FRMD3: variants seen among roughly 807,000 people sequenced by gnomAD.
FRMD3 encodes the protein FERM domain containing 3.
Under a neutral mutation model 70.2 loss-of-function variants are expected in FRMD3, and 33 were observed. The ratio of observed to expected loss-of-function variants is 0.47; its 90% CI spans 0.36 to 0.63. The LOEUF (loss-of-function observed/expected upper bound fraction) is 0.63. FRMD3 is among the 20% of genes least tolerant of loss of function. The pLI is 0.00. For missense variants in FRMD3, 632 were observed against 711.4 expected, an observed-to-expected ratio of 0.89 and a Z score of 1.27; for synonymous variants, 279 against 255.9, an observed-to-expected ratio of 1.09 and a Z score of -0.86.
chr9:83,305,316 G>A (rs1835087372), intron 10 of FRMD3, among the ~76,000 whole-genome samples: 2 of 152,234 alleles, frequency 1.3e-5, no homozygotes, highest in Admixed American at 1.3e-4. Context: ...CTCATCATTA[G>A]CAGAGGGGGC....
chr9:83,267,243 T>G, intron 13 of FRMD3: 1 of 1,515,952 alleles, frequency 6.6e-7, no homozygotes, highest in Non-Finnish European at 8.9e-7. Context: ...ACCCACTGAA[T>G]GAATCAAATG....
chr9:83,366,072 G>A (rs1824775433), intron 3 of FRMD3, among the ~76,000 whole-genome samples: 1 of 152,076 alleles, frequency 6.6e-6, no homozygotes, highest in Non-Finnish European at 1.5e-5. Context: ...AAGACTCAAG[G>A]AATGTACATG....
chr9:83,575,399 G>C, the FRMD3 span, among the ~76,000 whole-genome samples: 1 of 152,096 alleles, frequency 6.6e-6, no homozygotes, highest in African/African-American at 2.4e-5. Context: ...GTCAAATGTG[G>C]CTTCTGAGAG....
chr9:83,413,426 G>A (rs1341688940), intron 1 of FRMD3, among the ~76,000 whole-genome samples: 1 of 152,132 alleles, frequency 6.6e-6, no homozygotes, highest in East Asian at 1.9e-4. Context: ...GCCATAGATG[G>A]GCAGAAATAC....
the FRMD3 span, among the ~76,000 whole-genome samples, chr9:83,557,993 G>T: frequency 2.6e-5 from 4 of 152,124 alleles, no homozygotes; most frequent in Admixed American, 6.5e-5. Context: ...CAAGCTCTTG[G>T]GGTCCATCTG....
intron 1 of FRMD3, among the ~76,000 whole-genome samples, chr9:83,533,702 A>G (rs1447056648): frequency 6.6e-6 from 1 of 152,184 alleles, no homozygotes; most frequent in Non-Finnish European, 1.5e-5. Flanking sequence ...AATATCAGGG[A>G]CTCTGCGGTG....
intron 1 of FRMD3, among the ~76,000 whole-genome samples, chr9:83,496,417 C>A (rs954050040): frequency 1.3e-5 from 2 of 152,272 alleles, no homozygotes; most frequent in African/African-American, 4.8e-5. Context: ...CCCCATCACT[C>A]AACCAACTTG....
chr9:83,529,532 A>T (rs1328413668), intron 1 of FRMD3, among the ~76,000 whole-genome samples: 1 of 152,240 alleles, frequency 6.6e-6, no homozygotes, highest in Non-Finnish European at 1.5e-5. Context: ...TCCTAAATGT[A>T]AGAGCTAAAA....
intron 13 of FRMD3, among the ~76,000 whole-genome samples, chr9:83,265,395 T>TAAAA (rs59688591): frequency 1.9e-4 from 15 of 77,384 alleles, no homozygotes; most frequent in East Asian, 3.8e-4. Flanking sequence ...GCGAGACTCT[T>TAAAA]AAAAAAAAAA....
chr9:83,517,297 C>T (rs556322390), intron 1 of FRMD3, among the ~76,000 whole-genome samples: 9 of 152,048 alleles, frequency 5.9e-5, no homozygotes, highest in South Asian at 2.1e-4. Context: ...AAGATCACCA[C>T]GGATCCCATA....
intron 1 of FRMD3, among the ~76,000 whole-genome samples, chr9:83,494,713 G>T (rs1210318213): frequency 6.6e-6 from 1 of 152,134 alleles, no homozygotes; most frequent in East Asian, 1.9e-4. Flanking sequence ...AGACAAGCCT[G>T]GGCAACATAG....
intron 13 of FRMD3, among the ~76,000 whole-genome samples, chr9:83,261,041 A>G (rs1270511629): frequency 6.6e-6 from 1 of 151,106 alleles, no homozygotes; most frequent in Non-Finnish European, 1.5e-5. Context: ...AATTCATTCT[A>G]TTAAAAACCT....
At chr9:83,345,234 T>C (rs1823916378) in intron 4 of FRMD3, among the ~76,000 whole-genome samples, 1 of 152,176 alleles carries the variant, frequency 6.6e-6, no homozygotes, top group Non-Finnish European at 1.5e-5. Context: ...CCCAGTTTAG[T>C]ATTAAATTGT....
intron 3 of FRMD3, among the ~76,000 whole-genome samples, chr9:83,359,435 T>C (rs1824511545): frequency 6.6e-6 from 1 of 152,144 alleles, no homozygotes; most frequent in Admixed American, 6.6e-5. Context: ...TGCCTCCATT[T>C]CCTCATCTGT....
chr9:83,283,448 G>A (rs1217106740), intron 13 of FRMD3, among the ~76,000 whole-genome samples: 5 of 151,284 alleles, frequency 3.3e-5, no homozygotes, highest in South Asian at 4.2e-4. Context: ...GGAGAATGGC[G>A]TGAACCCAGG....
At chr9:83,425,291 C>T (rs1826769868) in intron 1 of FRMD3, among the ~76,000 whole-genome samples, 2 of 151,998 alleles carry the variant, frequency 1.3e-5, no homozygotes, top group African/African-American at 4.8e-5. Flanking sequence ...TAACAAGGTC[C>T]CCTGCATGAG....
At chr9:83,304,239 T>C (rs148641149) in intron 10 of FRMD3, among the ~76,000 whole-genome samples, 1 of 152,314 alleles carries the variant, frequency 6.6e-6, no homozygotes, top group Non-Finnish European at 1.5e-5. Flanking sequence ...TCCACTTTAA[T>C]TGGGTCTGGG....
rs1027437005 is a variant in FRMD3, at chr9:83,492,372, G to A, written c.147+45713C>T. 5.9e-5 allele frequency among the ~76,000 whole-genome samples: 9 copies of A among 152,190 alleles called. 1 individual carries two copies. Among genetic ancestry groups the A allele is most frequent in the African/African-American group, 9.6e-5 (4 of 41,516 alleles). ...TGAGCTATTTTTAAAAAGAAAACTC[G>A]TCTTATTGGGCTAAAAATGTGGCAC... is the stretch of plus-strand genomic sequence containing the variant. On this transcript the variant is annotated intron_variant, in intron 1 of 13. Coordinates refer to ENST00000304195, the MANE Select transcript of FRMD3 (RefSeq NM_174938.6).
intron 3 of FRMD3, among the ~76,000 whole-genome samples, chr9:83,369,917 C>A (rs1458175593): frequency 6.6e-6 from 1 of 152,106 alleles, no homozygotes; most frequent in Admixed American, 6.5e-5. Context: ...CATTTTAAAT[C>A]TTTCTAAACT....
Sources: gnomAD v4.1 joint callset for allele counts (sites outside exome capture counted in the v4.1 genomes callset) on GRCh38, gnomAD v4.1.1 for gene constraint, MANE v1.5 for transcripts, NCBI Gene and HGNC (gene_info 2026-07-23, HGNC 2026-07-21) for gene names.